The following OXR1 variants were observed in gnomAD, a reference collection of about 807,000 sequenced individuals.
OXR1 encodes the protein oxidation resistance protein 1.
Under a neutral mutation model 104.6 loss-of-function variants are expected in OXR1, and 41 were observed. The ratio of observed to expected loss-of-function variants is 0.39; its 90% confidence interval spans 0.31 to 0.51. The LOEUF (loss-of-function observed/expected upper bound fraction) is 0.51. Among genes scored for constraint, OXR1 ranks in the 20% least tolerant of loss-of-function variants. The pLI is 0.77. For synonymous variants in OXR1, 348 were observed against 348.4 expected (o/e 1.00, Z 0.01); for missense variants, 955 against 1,031.9 (o/e 0.93, Z 1.02).
At chr8:106,565,718 A>G (rs1455523329) in intron 3 of OXR1, among the ~76,000 whole-genome samples, 5 of 152,192 alleles carry the variant, frequency 3.3e-5, no homozygotes, top group Admixed American at 2.0e-4. Flanking sequence ...ATGCTACCTG[A>G]CTTAAAACTA....
chr8:106,325,702 A>AT (rs1227592686), intron 1 of OXR1, among the ~76,000 whole-genome samples: 6 of 152,166 alleles, frequency 3.9e-5, no homozygotes, highest in Admixed American at 3.3e-4. Context: ...CTTGATTTAT[A>AT]TTTTTCACTC....
At chr8:106,393,760 G>A (rs1448211820) in intron 2 of OXR1, among the ~76,000 whole-genome samples, 1 of 151,836 alleles carries the variant, frequency 6.6e-6, no homozygotes, top group Non-Finnish European at 1.5e-5. Flanking sequence ...TAAATTTTAT[G>A]TACATATTAT....
intron 6 of OXR1, among the ~76,000 whole-genome samples, chr8:106,692,233 C>G (rs1029337093): frequency 6.6e-6 from 1 of 151,984 alleles, no homozygotes; most frequent in African/African-American, 2.4e-5. Context: ...AACTGTAGCT[C>G]GAGATTTAAA....
intron 7 of OXR1, among the ~76,000 whole-genome samples, chr8:106,701,042 A>G (rs904822666): frequency 5.9e-5 from 9 of 152,132 alleles, no homozygotes; most frequent in African/African-American, 1.9e-4. Context: ...GACAATGTAA[A>G]TGTTCTCTAC....
intron 3 of OXR1, among the ~76,000 whole-genome samples, chr8:106,590,293 G>A (rs559244154): frequency 6.6e-6 from 1 of 152,148 alleles, no homozygotes; most frequent in Non-Finnish European, 1.5e-5. Flanking sequence ...TGTTGTTGTT[G>A]TTGTTGTTGT....
chr8:106,325,646 A>G (rs990059889), intron 1 of OXR1, among the ~76,000 whole-genome samples: 1 of 152,170 alleles, frequency 6.6e-6, no homozygotes, highest in Non-Finnish European at 1.5e-5. Flanking sequence ...TTTTAGTACA[A>G]GTCAGTCCTT....
rs1407268742 is a variant in OXR1 at position 106,713,979 on chromosome 8, A to G, written c.1950A>G (p.Glu650=). 1.9e-6 allele frequency: 3 copies of G among 1,570,102 alleles called. No individual in the cohort carries two copies. Among genetic ancestry groups the G allele is most frequent in the Non-Finnish European group, 2.6e-6 (3 of 1,164,544 alleles). Reference sequence around the variant, plus strand: ...CTAGTAATCAAGCAGCAGCCAGAGAATGGGAGGTAAGGAGAAAAATATGAA... The same window carrying G: ...CTAGTAATCAAGCAGCAGCCAGAGAGTGGGAGGTAAGGAGAAAAATATGAA... ...EDSSNQAAAR[E]WEVVSVAEYH... Residue 650 remains glutamate (E), a synonymous_variant, in exon 11 of 17, where the codon GAA becomes GAG. Transcript: ENST00000517566.
At chr8:106,665,725 G>A (rs997794389) in intron 3 of OXR1, among the ~76,000 whole-genome samples, 5 of 152,098 alleles carry the variant, frequency 3.3e-5, no homozygotes, top group African/African-American at 1.2e-4. Flanking sequence ...TACATTAGGA[G>A]ACTCTTTATA....
chr8:106,450,316 C>A (rs1339254280), intron 2 of OXR1, among the ~76,000 whole-genome samples: 2 of 152,084 alleles, frequency 1.3e-5, no homozygotes, highest in Non-Finnish European at 2.9e-5. Flanking sequence ...TCCATATCAC[C>A]TGAAAGAATG....
At chr8:106,448,146 C>CA in intron 2 of OXR1, 1 of 1,335,846 alleles carries the variant, frequency 7.5e-7, no homozygotes, top group South Asian at 1.3e-5. Context: ...GATTTCTGTG[C>CA]AAGTGAGAAA....
At chr8:106,313,286 G>C (rs1813785327) in intron 1 of OXR1, among the ~76,000 whole-genome samples, 1 of 152,022 alleles carries the variant, frequency 6.6e-6, no homozygotes, top group South Asian at 2.1e-4. Context: ...ATTCAACTTT[G>C]GGATTTTAAA....
rs145077835 is a variant in OXR1 at position 106,750,932 on chromosome 8, T to C, written c.2613T>C (p.Ala871=). The change falls in exon 17 of 17, where the codon GCT becomes GCC. Residue 871 remains alanine (A), a synonymous_variant. Transcript: ENST00000517566. ...TTATCCAAGATATTGAAATCTGGGC[T>C]TTTGAATAAATAAAATGCTCTCTGT... ...DFFIQDIEIW[A]FE 1.2e-5 allele frequency: 20 copies of C among 1,601,472 alleles called. No individual in the cohort carries two copies. In the Middle Eastern group the frequency reaches 6.6e-4, roughly 53 times the overall value.
chr8:106,300,779 A>G (rs1813203751), intron 1 of OXR1, among the ~76,000 whole-genome samples: 2 of 152,196 alleles, frequency 1.3e-5, no homozygotes, highest in Admixed American at 6.5e-5. Flanking sequence ...GCTCCTGTGC[A>G]TTATCTTTTT....
chr8:106,496,704 T>A (rs538811204), intron 2 of OXR1, among the ~76,000 whole-genome samples: 1 of 152,348 alleles, frequency 6.6e-6, no homozygotes, highest in East Asian at 1.9e-4. Context: ...GCCAGGGAGC[T>A]AATGATGACT....
intron 8 of OXR1, among the ~76,000 whole-genome samples, chr8:106,706,071 C>T (rs1056457356): frequency 1.3e-5 from 2 of 152,022 alleles, no homozygotes; most frequent in Admixed American, 6.6e-5. Flanking sequence ...TACAGCTTTA[C>T]CCAGGGTTTA....
At chr8:106,694,481 ATATT>A (rs1422989564) in intron 7 of OXR1, among the ~76,000 whole-genome samples, 2 of 113,880 alleles carry the variant, frequency 1.8e-5, no homozygotes, top group Non-Finnish European at 3.3e-5. Flanking sequence ...ATTTATATAT[ATATT>A]TGATATATAA....
In OXR1 at chr8:106,511,543, ACACT is replaced by A. The variant is rs1008968428; in HGVS notation, c.24-7398_24-7395del. The stretch of plus-strand genomic sequence containing the variant: ...ATACACCTCACACACACATACACAC[ACACT>A]CTCTCTCATACACACACACACACAC... On this transcript the variant is annotated intron_variant, in intron 2 of 16. Coordinates refer to ENST00000517566, the MANE Select transcript of OXR1 (RefSeq NM_001198533.2). 1.6e-4 allele frequency among the ~76,000 whole-genome samples: 17 copies of A among 108,352 alleles called. 1 individual carries two copies. Among genetic ancestry groups the A allele is most frequent in the Middle Eastern group, 8.5e-3 (2 of 236 alleles). The allele number at this position is 108,352 out of a possible 152,430, so 71.1% of individuals were successfully genotyped here.
intron 3 of OXR1, among the ~76,000 whole-genome samples, chr8:106,640,559 C>G (rs115058062): frequency 4.6e-5 from 7 of 152,004 alleles, no homozygotes; most frequent in African/African-American, 1.4e-4. Flanking sequence ...GTGAGAATGG[C>G]AGAGGAATCC....
At chr8:106,493,044 C>CT (rs1034462223) in intron 2 of OXR1, among the ~76,000 whole-genome samples, 54 of 151,852 alleles carry the variant, frequency 3.6e-4, no homozygotes, top group Non-Finnish European at 5.6e-4. Context: ...GGCTAGGAGA[C>CT]TTTTTTTTAA....
Sources: gnomAD v4.1 joint callset for allele counts (sites outside exome capture counted in the v4.1 genomes callset) on GRCh38, gnomAD v4.1.1 for gene constraint, MANE v1.5 for transcripts, NCBI Gene and HGNC (gene_info 2026-07-23, HGNC 2026-07-21) for gene names.